Variants in ZNF449 observed in about 807,000 individuals in gnomAD.
The protein encoded by ZNF449 is zinc finger and SCAN domain-containing protein 19.
ZNF449 carries 4 observed loss-of-function variants against 32.6 expected under a neutral mutation model. The ratio of observed to expected loss-of-function variants is 0.12; its 90% CI spans 0.06 to 0.28. The LOEUF (loss-of-function observed/expected upper bound fraction) is 0.28, where lower values mean the gene tolerates loss of function less well. Among genes scored for constraint, ZNF449 ranks in the 10% least tolerant of loss-of-function variants. The pLI, the probability that ZNF449 is intolerant of heterozygous loss-of-function variation, is 1.00. For synonymous variants in ZNF449, 123 were observed against 132.2 expected (o/e 0.93, Z 0.48); for missense variants, 275 against 383.2 (o/e 0.72, Z 2.36).
At chrX:135,353,983 G>A (rs1229505995) in intron 3 of ZNF449, among the ~76,000 whole-genome samples, 3 of 112,061 alleles carry the variant, frequency 2.7e-5, no homozygotes, top group Non-Finnish European at 3.8e-5. Context: ...CTTGACAGAA[G>A]TAGGCATTAA....
chrX:135,350,003 A>ATTT (rs552605724), intron 3 of ZNF449, among the ~76,000 whole-genome samples: 1 of 81,797 alleles, frequency 1.2e-5, no homozygotes, highest in African/African-American at 4.5e-5. Context: ...GGGGTTTTCT[A>ATTT]TTTTTTTTTT....
chrX:135,348,755 C>T, intron 2 of ZNF449: 1 of 998,100 alleles, frequency 1.0e-6, no homozygotes, highest in Non-Finnish European at 1.3e-6. Flanking sequence ...GTGGTCTAGA[C>T]ATTTGCTGCT....
Position 135,362,532 on chromosome X carries a change from A to T in ZNF449, c.*1456A>T, listed in dbSNP as rs781965785. ...CTCATTGTCAGTTAAACCTGTTAAA[A>T]CATGAAAATATTCATTGAGCCTAGT... On this transcript the variant is annotated 3_prime_UTR_variant, in exon 5 of 5. Transcript: ENST00000339249. 1.8e-4 allele frequency: 20 copies of T among 112,585 alleles called. No individual in the cohort carries two copies. Among genetic ancestry groups the T allele is most frequent in the African/African-American group, 6.1e-4 (19 of 31,077 alleles). 9.3% of individuals were successfully genotyped at this position (112,585 alleles called of 1,213,427 possible). A position where few individuals can be genotyped will look rare whatever the true frequency, so the allele number is the denominator to read the frequency against.
Position 135,347,029 on chromosome X carries a change from C to A in ZNF449, c.-90C>A. Reference sequence around the variant, plus strand: ...TTTTTCTGTCCTTAGCTGTAGGTGGCTCCCTCCCACCCCAACGATTTCAGA... The same window carrying A: ...TTTTTCTGTCCTTAGCTGTAGGTGGATCCCTCCCACCCCAACGATTTCAGA... On this transcript the variant is annotated 5_prime_UTR_variant, in exon 2 of 5. Coordinates refer to ENST00000339249, the MANE Select transcript of ZNF449 (RefSeq NM_152695.6). 1 of 955,548 alleles carries A rather than the reference C, an allele frequency of 1.0e-6. No homozygotes were observed. Among genetic ancestry groups the A allele is most frequent in the Non-Finnish European group, 1.4e-6 (1 of 696,446 alleles). The allele number at this position is 955,548 out of a possible 1,213,427, so 78.7% of individuals were successfully genotyped here. A position where few individuals can be genotyped will look rare whatever the true frequency, so the allele number is the denominator to read the frequency against.
At chrX:135,349,060 G>A in intron 2 of ZNF449, 50 bp from the exon 3 acceptor site, 1 of 1,163,084 alleles carries the variant, frequency 8.6e-7, no homozygotes, top group Non-Finnish European at 1.2e-6. Flanking sequence ...CAATTCTACT[G>A]GGCACTGTTG....
chrX:135,345,932 A>G (rs2084843739), intron 1 of ZNF449, among the ~76,000 whole-genome samples: 1 of 112,029 alleles, frequency 8.9e-6, no homozygotes, highest in Non-Finnish European at 1.9e-5. Flanking sequence ...CTCAAAGACT[A>G]TACCAAGAAC....
intron 3 of ZNF449, among the ~76,000 whole-genome samples, chrX:135,353,332 G>A (rs1556450795): frequency 9.0e-6 from 1 of 111,334 alleles, no homozygotes; most frequent in African/African-American, 3.3e-5. Flanking sequence ...ACCTCTTGAA[G>A]GAAAGAATAC....
chrX:135,350,003 A>ATTTTTTTT (rs552605724), intron 3 of ZNF449, among the ~76,000 whole-genome samples: 2 of 81,796 alleles, frequency 2.4e-5, no homozygotes, highest in Non-Finnish European at 5.0e-5. Context: ...GGGGTTTTCT[A>ATTTTTTTT]TTTTTTTTTT....
At chrX:135,357,815 A>G (rs1002436985) in intron 3 of ZNF449, among the ~76,000 whole-genome samples, 2 of 110,830 alleles carry the variant, frequency 1.8e-5, no homozygotes, top group Non-Finnish European at 3.8e-5. Context: ...TGCTACTTGT[A>G]TGATATATCT....
In ZNF449 at chrX:135,347,046, G is replaced by A; in HGVS notation, c.-73G>A. On this transcript the variant is annotated 5_prime_UTR_variant, in exon 2 of 5. Coordinates refer to ENST00000339249, the MANE Select transcript of ZNF449 (RefSeq NM_152695.6). The stretch of plus-strand genomic sequence containing the variant: ...GTAGGTGGCTCCCTCCCACCCCAAC[G>A]ATTTCAGAGAGAAACAAGTCGGAAT... 1 of 1,079,788 alleles carries A rather than the reference G, an allele frequency of 9.3e-7. No individual in the cohort carries two copies. 89.0% of individuals were successfully genotyped at this position (1,079,788 alleles called of 1,213,427 possible).
At chrX:135,349,347 T>C (rs1177550875) in intron 3 of ZNF449, 33 bp downstream of exon 3, 1 of 1,190,165 alleles carries the variant, frequency 8.4e-7, no homozygotes, top group East Asian at 3.0e-5. Flanking sequence ...TTCTTTTGTT[T>C]CTGTTTTGAG....
At chrX:135,353,757 G>C (rs781986098) in intron 3 of ZNF449, among the ~76,000 whole-genome samples, 1 of 111,711 alleles carries the variant, frequency 9.0e-6, no homozygotes, top group Non-Finnish European at 1.9e-5. Context: ...ATCAAATGAG[G>C]GTAATTAGCA....
chrX:135,360,811 G>A lies in ZNF449; in HGVS notation c.1292G>A (p.Gly431Asp). Reference sequence around the variant, plus strand: ...AAAAGACATCTGAAAACTCATACAGGTGAAAAACCTCATAGATGTCATAAT... The same window carrying A: ...AAAAGACATCTGAAAACTCATACAGATGAAAAACCTCATAGATGTCATAAT... Reference protein sequence around the residue: ...SLKRHLKTHTGEKPHRCHNCG... With the variant: ...SLKRHLKTHTDEKPHRCHNCG... The change falls in exon 5 of 5, where the codon GGT (glycine) becomes GAT (aspartate). Residue 431 changes from glycine to aspartate, a missense_variant. This residue lies in a region of ZNF449 where 80 missense variants were observed against 146.6 expected (regional missense o/e 0.55). Coordinates refer to ENST00000339249, the MANE Select transcript of ZNF449 (RefSeq NM_152695.6). 8.3e-7 allele frequency: 1 copy of A among 1,211,243 alleles called. No individual in the cohort carries two copies. Among genetic ancestry groups the A allele is most frequent in the Non-Finnish European group, 1.1e-6 (1 of 895,322 alleles).
intron 3 of ZNF449, among the ~76,000 whole-genome samples, chrX:135,355,351 A>T (rs2084911292): frequency 1.8e-5 from 2 of 108,831 alleles, no homozygotes; most frequent in South Asian, 3.9e-4. Context: ...ATCCAATTCT[A>T]CTCTTAGTTA....
At chrX:135,347,797 C>T (rs146450026) in intron 2 of ZNF449, 35,553 of 557,588 alleles carry the variant, frequency 0.064, 991 homozygotes, top group Non-Finnish European at 0.08. Flanking sequence ...CTAGCCATAC[C>T]CTGTTTATCT....
rs59290532 is a variant in ZNF449 at position 135,356,146 on chromosome X, AT to A, written c.560-3743del. Among the ~76,000 whole-genome samples the A allele has an allele frequency of 3.9e-3, 431 of 111,790 alleles. 2 individuals carry two copies. The highest frequency in any genetic ancestry group is 0.014 in the African/African-American group (419 of 30,837). The stretch of plus-strand genomic sequence containing the variant: ...TAAAAATTTCAGTATGACATTTTGT[AT>A]TTATGTATGTTTTCATTTTTCTTGG... On this transcript the variant is annotated intron_variant, in intron 3 of 4. Coordinates refer to ENST00000339249, the MANE Select transcript of ZNF449 (RefSeq NM_152695.6).
intron 1 of ZNF449, among the ~76,000 whole-genome samples, chrX:135,346,717 CTT>C (rs1377902519): frequency 2.7e-5 from 3 of 111,765 alleles, no homozygotes; most frequent in Non-Finnish European, 5.6e-5. Context: ...TTTGACTAAA[CTT>C]AAAGTGTCAC....
In ZNF449 at chrX:135,349,205, A is replaced by G. The variant is rs1349323300; in HGVS notation, c.450A>G (p.Val150=). The change falls in exon 3 of 5, where the codon GTA becomes GTG. Residue 150 remains valine, a synonymous_variant. Transcript: ENST00000339249. ...ACCTAGAGTCACCTGCACTCCAGGT[A>G]ATGGGACCTGCCCAGGAGGCCCCAG... is the stretch of plus-strand genomic sequence containing the variant. ...TMHLESPALQ[V]MGPAQEAPVA... is the part of the protein sequence containing the mutation. 1 of 1,211,629 alleles carries G rather than the reference A, an allele frequency of 8.3e-7. No homozygotes were observed. Among genetic ancestry groups the G allele is most frequent in the Non-Finnish European group, 1.1e-6 (1 of 895,366 alleles).
Position 135,362,414 on chromosome X carries a change from C to T in ZNF449, c.*1338C>T, listed in dbSNP as rs1404722679. ...TGATTCTCAACCTCTTTGAATTTTA[C>T]TTATAATTACATACACACACACACT... On this transcript the variant is annotated 3_prime_UTR_variant, in exon 5 of 5. Coordinates refer to ENST00000339249, the MANE Select transcript of ZNF449 (RefSeq NM_152695.6). 1.8e-5 allele frequency: 2 copies of T among 111,901 alleles called. No homozygotes were observed. Among genetic ancestry groups the T allele is most frequent in the Non-Finnish European group, 3.8e-5 (2 of 53,066 alleles). 9.2% of individuals were successfully genotyped at this position (111,901 alleles called of 1,213,427 possible). A position where few individuals can be genotyped will look rare whatever the true frequency, so the allele number is the denominator to read the frequency against.
Sources: gnomAD v4.1 joint callset for allele counts (sites outside exome capture counted in the v4.1 genomes callset) on GRCh38, gnomAD v4.1.1 for gene constraint, gnomAD v4.1.1 regional missense constraint, MANE v1.5 for transcripts, NCBI Gene and HGNC (gene_info 2026-07-23, HGNC 2026-07-21) for gene names.